The following MAML3 variants were observed in gnomAD, a reference collection of about 807,000 sequenced individuals.
MAML3 encodes the protein mastermind-like protein 3.
MAML3 carries 27 observed loss-of-function variants against 101.9 expected under a neutral mutation model. That is an observed-to-expected ratio of 0.27 (90% CI 0.20 to 0.37). The LOEUF is 0.37. Among genes scored for constraint, MAML3 ranks in the 10% least tolerant of loss-of-function variants. The pLI is 1.00. For synonymous variants in MAML3, 501 were observed against 555.9 expected, an observed-to-expected ratio of 0.90 and a Z score of 1.39; for missense variants, 1,316 against 1,444.9, an observed-to-expected ratio of 0.91 and a Z score of 1.45.
At position 139,889,564 on chromosome 4, in the gene MAML3, G is replaced by C. The variant is rs1207452660; in HGVS notation, c.1872C>G (p.Asn624Lys). ...GGATATACGGCATCAAGGGGTTTTT[G>C]TTGGGGTTGGCCACTGGTGGTGTCA... ...QRMTPPVANP[N>K]KNPLMPYIQQ... Residue 624 changes from asparagine to lysine, a missense_variant, in exon 2 of 5, where the codon AAC becomes AAG. By Grantham distance (94) the Asn-to-Lys change is moderately conservative (BLOSUM62 0). Coordinates refer to ENST00000509479, the MANE Select transcript of MAML3 (RefSeq NM_018717.5). 6.2e-7 allele frequency: 1 copy of C among 1,613,570 alleles called. No homozygotes were observed. Among genetic ancestry groups the C allele is most frequent in the Non-Finnish European group, 8.5e-7 (1 of 1,179,836 alleles).
intron 2 of MAML3, among the ~76,000 whole-genome samples, chr4:139,803,088 C>G (rs1215251729): frequency 6.6e-6 from 1 of 152,124 alleles, no homozygotes; most frequent in Non-Finnish European, 1.5e-5. Flanking sequence ...GTGGTGAACC[C>G]TCCATGAGGT....
intron 1 of MAML3, among the ~76,000 whole-genome samples, chr4:139,916,720 C>T (rs552715637): frequency 1.5e-4 from 23 of 152,320 alleles, no homozygotes; most frequent in Non-Finnish European, 7.4e-5. Context: ...AATAGCTTTA[C>T]GTTTCCTCTT....
chr4:139,973,499 TG>T (rs1435529580), intron 1 of MAML3, among the ~76,000 whole-genome samples: 1 of 152,212 alleles, frequency 6.6e-6, no homozygotes, highest in Non-Finnish European at 1.5e-5. Flanking sequence ...GTGTAGGTTC[TG>T]GACCACAGAC....
chr4:140,050,624 G>A (rs79376014), intron 1 of MAML3, among the ~76,000 whole-genome samples: 7,381 of 152,212 alleles, frequency 0.048, 382 homozygotes, highest in African/African-American at 0.13. Context: ...CTAACACCTG[G>A]AGAAGGAAAT....
intron 2 of MAML3, among the ~76,000 whole-genome samples, chr4:139,761,503 A>G (rs1729760070): frequency 6.6e-6 from 1 of 152,110 alleles, no homozygotes; most frequent in Admixed American, 6.6e-5. Context: ...TCATCCCATT[A>G]ATGATGATTA....
intron 2 of MAML3, among the ~76,000 whole-genome samples, chr4:139,801,092 G>T (rs1243267074): frequency 1.3e-5 from 2 of 152,324 alleles, no homozygotes; most frequent in Middle Eastern, 3.4e-3. Context: ...AGGCTTCTAA[G>T]AGTAGCTAGG....
At chr4:140,146,473 C>A (rs920189081) in intron 1 of MAML3, among the ~76,000 whole-genome samples, 2 of 152,132 alleles carry the variant, frequency 1.3e-5, no homozygotes, top group African/African-American at 4.8e-5. Context: ...TTTATCTAAC[C>A]CTATTTCTTT....
At chr4:139,963,039 C>A (rs769669) in intron 1 of MAML3, among the ~76,000 whole-genome samples, 49,709 of 151,978 alleles carry the variant, frequency 0.33, 8,478 homozygotes, top group African/African-American at 0.4. Context: ...CCCACCATTT[C>A]TTTTAACATC....
In MAML3 at chr4:139,719,903, G is replaced by C. The variant is rs1380223384; in HGVS notation, c.2837C>G (p.Pro946Arg). The change falls in exon 5 of 5, where the codon CCT becomes CGT. Residue 946 changes from proline (P) to arginine (R), a missense_variant. Transcript: ENST00000509479. The part of the protein sequence containing the change: ...VGQALPRPQA[P>R]PRLQSLMGTV... ...TCCCATAAGGCTCTGCAGCCTTGGA[G>C]GGGCTTGGGGCCTAGGCAAGGCCTG... is the stretch of plus-strand genomic sequence containing the variant. 4 of 1,613,938 alleles carry C rather than the reference G, an allele frequency of 2.5e-6. No individual in the cohort carries two copies. The highest frequency in any genetic ancestry group is 1.7e-5 in the Admixed American group (1 of 60,016).
intron 2 of MAML3, among the ~76,000 whole-genome samples, chr4:139,875,521 G>A (rs192850073): frequency 1.8e-4 from 27 of 152,166 alleles, no homozygotes; most frequent in East Asian, 1.2e-3. Context: ...CATAATTAAT[G>A]AGGCTCATCA....
chr4:139,922,846 C>A (rs942803031), intron 1 of MAML3, among the ~76,000 whole-genome samples: 8 of 152,150 alleles, frequency 5.3e-5, no homozygotes, highest in African/African-American at 1.7e-4. Context: ...GGAGACACAG[C>A]CAAGATGGAG....
At chr4:139,763,894 G>A (rs543503321) in intron 2 of MAML3, among the ~76,000 whole-genome samples, 9 of 152,192 alleles carry the variant, frequency 5.9e-5, no homozygotes, top group Non-Finnish European at 1.2e-4. Context: ...GAGGGCACCT[G>A]ACATGCTAAA....
chr4:139,885,478 C>T (rs1732309215), intron 2 of MAML3, among the ~76,000 whole-genome samples: 1 of 152,028 alleles, frequency 6.6e-6, no homozygotes, highest in Non-Finnish European at 1.5e-5. Context: ...ATTACATATT[C>T]TATGCCTGTA....
rs1728893243 is a variant in MAML3 at position 139,735,384 on chromosome 4, G to A, written c.2080-4717C>T. ...TTTTCTTCCAGCCGGAGGGGAGGAA[G>A]AATTCAAGTGGGGGAGGGCGCGGGA... On this transcript the variant is annotated intron_variant, in intron 2 of 4. Coordinates refer to ENST00000509479, the MANE Select transcript of MAML3 (RefSeq NM_018717.5). This position sits in a 1 kb window ranked among gnomAD's most constrained non-coding sequence, Gnocchi z 5.8. Among the ~76,000 whole-genome samples the A allele has an allele frequency of 6.6e-6, 1 of 151,244 alleles. No homozygotes were observed. The highest frequency in any genetic ancestry group is 1.5e-5 in the Non-Finnish European group (1 of 67,854).
chr4:139,739,034 T>A (rs1355156405), intron 2 of MAML3, among the ~76,000 whole-genome samples: 1 of 152,202 alleles, frequency 6.6e-6, no homozygotes, highest in African/African-American at 2.4e-5. Context: ...TAAGCTCCTT[T>A]GGGACCAAGA....
chr4:140,147,925 T>TGTGC (rs1437968700), intron 1 of MAML3, among the ~76,000 whole-genome samples: 1 of 151,892 alleles, frequency 6.6e-6, no homozygotes, highest in Non-Finnish European at 1.5e-5. Context: ...AATGTGTGTG[T>TGTGC]GTGTGTGTGC....
intron 2 of MAML3, among the ~76,000 whole-genome samples, chr4:139,774,954 T>C (rs1730064827): frequency 6.6e-6 from 1 of 152,122 alleles, no homozygotes; most frequent in African/African-American, 2.4e-5. Context: ...TAGCTACACC[T>C]GGGATGGGGC....
At chr4:139,867,679 C>T (rs1731925753) in intron 2 of MAML3, among the ~76,000 whole-genome samples, 1 of 152,124 alleles carries the variant, frequency 6.6e-6, no homozygotes, top group Admixed American at 6.5e-5. Flanking sequence ...TGGTGCCCTA[C>T]CTAAAATAAT....
At chr4:139,833,797 T>C (rs953697016) in intron 2 of MAML3, among the ~76,000 whole-genome samples, 13 of 152,188 alleles carry the variant, frequency 8.5e-5, no homozygotes, top group Admixed American at 3.9e-4. Context: ...CCCCAGGGGC[T>C]ACTGATGGGA....
Sources: allele counts gnomAD v4.1 joint callset (sites outside exome capture counted in the v4.1 genomes callset), GRCh38; gene constraint gnomAD v4.1.1; non-coding constraint Gnocchi (gnomAD v3.1); transcripts MANE v1.5; gene names NCBI Gene and HGNC (gene_info 2026-07-23, HGNC 2026-07-21).